The following CSMD1 variants were observed in gnomAD, a reference collection of about 807,000 sequenced individuals.
CSMD1 encodes CUB and sushi domain-containing protein 1.
A neutral mutation model predicts 417.5 loss-of-function variants in CSMD1; 213 were observed. The ratio of observed to expected loss-of-function variants is 0.51; its 90% CI spans 0.46 to 0.57. The LOEUF is 0.57. Among genes scored for constraint, CSMD1 ranks in the 20% least tolerant of loss-of-function variants. The pLI is 0.00. For missense variants in CSMD1, 6,923 were observed against 4,529.7 expected, an observed-to-expected ratio of 1.53 and a Z score of -15.17; for synonymous variants, 2,862 against 1,736.8, an observed-to-expected ratio of 1.65 and a Z score of -16.11.
chr8:3,740,028 A>G (rs1433054544), intron 6 of CSMD1, among the ~76,000 whole-genome samples: 1 of 152,214 alleles, frequency 6.6e-6, no homozygotes, highest in Non-Finnish European at 1.5e-5. Flanking sequence ...AAATACCAAT[A>G]AAATTCGTAG....
intron 5 of CSMD1, among the ~76,000 whole-genome samples, chr8:3,927,470 C>A (rs2461850): frequency 0.4 from 60,161 of 151,364 alleles, 12,818 homozygotes; most frequent in African/African-American, 0.53. Context: ...TTTGGGACCA[C>A]CCTGGCCAAC....
At chr8:3,213,103 A>G (rs1294631300) in intron 30 of CSMD1, among the ~76,000 whole-genome samples, 2 of 152,136 alleles carry the variant, frequency 1.3e-5, no homozygotes. Flanking sequence ...CTGGGATTAC[A>G]GGTGTGAGCC....
intron 5 of CSMD1, among the ~76,000 whole-genome samples, chr8:3,875,178 C>G (rs1258154834): frequency 1.3e-5 from 2 of 152,044 alleles, no homozygotes; most frequent in African/African-American, 4.8e-5. Context: ...GACTGTAGCG[C>G]AGTGGGGAAG....
intron 1 of CSMD1, among the ~76,000 whole-genome samples, chr8:4,758,577 A>G (rs1433056743): frequency 6.6e-6 from 1 of 152,212 alleles, no homozygotes; most frequent in Non-Finnish European, 1.5e-5. Flanking sequence ...TCACTGCTAT[A>G]CCAAGACTTG....
In CSMD1 at chr8:4,268,940, C is replaced by G. The variant is rs574385569; in HGVS notation, c.415+151013G>C. Among the ~76,000 whole-genome samples, 10 of 152,300 alleles carry G rather than the reference C, an allele frequency of 6.6e-5. No individual in the cohort carries two copies. The South Asian group carries it at 2.1e-3, about 32-fold the overall frequency. On this transcript the variant is annotated intron_variant, in intron 3 of 69. Transcript: ENST00000635120. ...CTTGCTATTTGGAGAATTACAATTA[C>G]TTTCTCATTCTGCTGTATCCTTTTA...
At chr8:4,689,036 G>T (rs1000787906) in intron 1 of CSMD1, among the ~76,000 whole-genome samples, 1 of 152,182 alleles carries the variant, frequency 6.6e-6, no homozygotes, top group African/African-American at 2.4e-5. Context: ...ACAATCTTCT[G>T]CTGTCCACAT....
chr8:3,492,874 G>A (rs1212243699), intron 11 of CSMD1, among the ~76,000 whole-genome samples: 1 of 151,968 alleles, frequency 6.6e-6, no homozygotes, highest in Non-Finnish European at 1.5e-5. Context: ...AGTTTTACAG[G>A]AAGTCTGGAA....
chr8:3,615,645 C>T (rs1188759051), intron 8 of CSMD1, among the ~76,000 whole-genome samples: 1 of 152,148 alleles, frequency 6.6e-6, no homozygotes, highest in Non-Finnish European at 1.5e-5. Context: ...TTTAAAACGA[C>T]CGTTGTTACT....
chr8:4,009,699 C>T (rs1331245464), intron 4 of CSMD1, among the ~76,000 whole-genome samples: 2 of 152,030 alleles, frequency 1.3e-5, no homozygotes, highest in African/African-American at 2.4e-5. Context: ...GAAGGAAGGG[C>T]CACAAAGAGT....
At chr8:3,457,700 A>T (rs551857626) in intron 12 of CSMD1, among the ~76,000 whole-genome samples, 1 of 152,258 alleles carries the variant, frequency 6.6e-6, no homozygotes, top group African/African-American at 2.4e-5. Context: ...TGTTGAGATC[A>T]TAAAAACTCG....
chr8:3,921,185 T>C (rs3109772), intron 5 of CSMD1, among the ~76,000 whole-genome samples: 71,047 of 151,520 alleles, frequency 0.47, 16,951 homozygotes, highest in East Asian at 0.72. Flanking sequence ...TTACGATTCA[T>C]CTTGGTAGGT....
intron 3 of CSMD1, among the ~76,000 whole-genome samples, chr8:4,356,244 T>C (rs769234057): frequency 1.3e-5 from 2 of 152,136 alleles, no homozygotes; most frequent in African/African-American, 4.8e-5. Flanking sequence ...CTTAGAACAA[T>C]TGTCTCCAAT....
rs2130136516 is a variant in CSMD1, at chr8:4,482,309, T to A, written c.303-62244A>T. On this transcript the variant is annotated intron_variant, in intron 2 of 69. Coordinates refer to ENST00000635120, the MANE Select transcript of CSMD1 (RefSeq NM_033225.6). ...CTCTCTGTGTGTCCATGGGATCTCT[T>A]CATTCAGCTCCCATTTATAAGTGAG... 2.0e-5 allele frequency among the ~76,000 whole-genome samples: 3 copies of A among 152,256 alleles called. 1 individual carries two copies. The highest frequency in any genetic ancestry group is 2.0e-4 in the Admixed American group (3 of 15,276).
chr8:4,256,144 T>C (rs1444506306), intron 3 of CSMD1, among the ~76,000 whole-genome samples: 1 of 152,224 alleles, frequency 6.6e-6, no homozygotes, highest in Admixed American at 6.5e-5. Context: ...TACTAATCAC[T>C]ATGTAGCCTG....
intron 5 of CSMD1, among the ~76,000 whole-genome samples, chr8:3,809,956 G>A (rs1800969903): frequency 6.6e-6 from 1 of 151,944 alleles, no homozygotes; most frequent in Non-Finnish European, 1.5e-5. Context: ...CTTACTCAAG[G>A]GCCTTCCAAC....
At position 2,956,648 on chromosome 8, in the gene CSMD1, G is replaced by A. The variant is rs544368817; in HGVS notation, c.9815-880C>T. On this transcript the variant is annotated intron_variant, in intron 63 of 69. Transcript: ENST00000635120. ...TTTTGTAGTTTTTTTAGTAGAGATG[G>A]GATTTCACCATGTTAGCCAGGATGG... Among the ~76,000 whole-genome samples the A allele has an allele frequency of 6.6e-5, 10 of 151,758 alleles. No homozygotes were observed. The South Asian group carries it at 1.0e-3, about 16-fold the overall frequency.
At chr8:4,740,253 T>A (rs533667202) in intron 1 of CSMD1, among the ~76,000 whole-genome samples, 1 of 152,158 alleles carries the variant, frequency 6.6e-6, no homozygotes. Context: ...ATTTCTGACA[T>A]AATAATATTA....
At chr8:4,551,225 T>C (rs1422597192) in intron 2 of CSMD1, among the ~76,000 whole-genome samples, 1 of 151,978 alleles carries the variant, frequency 6.6e-6, no homozygotes, top group Non-Finnish European at 1.5e-5. Flanking sequence ...CCTGTAATAC[T>C]GAAAATCCTC....
rs138554940 is a variant in CSMD1 at position 3,213,677 on chromosome 8, ATG to A, written c.4867+818_4867+819del. Among the ~76,000 whole-genome samples the A allele has an allele frequency of 2.6e-4, 39 of 150,976 alleles. No individual in the cohort carries two copies. The East Asian group carries it at 3.5e-3, about 14-fold the overall frequency. On this transcript the variant is annotated intron_variant, in intron 30 of 69. Coordinates refer to ENST00000635120, the MANE Select transcript of CSMD1 (RefSeq NM_033225.6). ...TACAGATAAATAGGTGTAAATATAT[ATG>A]TGTGTGTGTATGTATATATATAAAA...
Sources: allele counts gnomAD v4.1 joint callset (sites outside exome capture counted in the v4.1 genomes callset), GRCh38; gene constraint gnomAD v4.1.1; transcripts MANE v1.5; gene names NCBI Gene and HGNC (gene_info 2026-07-23, HGNC 2026-07-21).